HMG20A: variants seen among roughly 807,000 people sequenced by gnomAD.
The protein encoded by HMG20A is high mobility group protein 20A.
HMG20A carries 17 observed loss-of-function variants against 43.9 expected under a neutral mutation model. The observed-to-expected ratio is 0.39, with a 90% CI of 0.27 to 0.58. The LOEUF (loss-of-function observed/expected upper bound fraction) is 0.58, where lower values mean the gene tolerates loss of function less well. HMG20A is among the 20% of genes least tolerant of loss of function. The probability of loss-of-function intolerance (pLI) is 0.59; values close to 1 mark genes in which losing one functional copy is unlikely to be tolerated. For missense variants in HMG20A, 341 were observed against 438.2 expected (o/e 0.78, Z 1.98); for synonymous variants, 132 against 147.5 (o/e 0.89, Z 0.76).
chr15:77,442,693 A>C (rs2073625475), intron 1 of HMG20A, among the ~76,000 whole-genome samples: 1 of 152,158 alleles, frequency 6.6e-6, no homozygotes, highest in Non-Finnish European at 1.5e-5. Flanking sequence ...AATAAGCTAG[A>C]AACTCCTTGT....
chr15:77,454,220 C>A (rs548316018), intron 1 of HMG20A, among the ~76,000 whole-genome samples: 2 of 149,686 alleles, frequency 1.3e-5, no homozygotes, highest in South Asian at 4.3e-4. Flanking sequence ...GGAGGACTAG[C>A]AGGAAGGGAG....
chr15:77,495,445 A>T, the HMG20A span, among the ~76,000 whole-genome samples: 1 of 152,204 alleles, frequency 6.6e-6, no homozygotes, highest in Non-Finnish European at 1.5e-5. Flanking sequence ...GCTACTCGGG[A>T]GGCTGAGGCA....
At chr15:77,501,330 T>A in the HMG20A span, among the ~76,000 whole-genome samples, 7 of 152,322 alleles carry the variant, frequency 4.6e-5, no homozygotes, top group East Asian at 1.2e-3. Flanking sequence ...TCCTGGCAAC[T>A]TCTTGAGAGA....
chr15:77,438,599 G>A (rs1045096282), intron 1 of HMG20A, among the ~76,000 whole-genome samples: 1 of 152,128 alleles, frequency 6.6e-6, no homozygotes, highest in African/African-American at 2.4e-5. Flanking sequence ...CATCTTAGAT[G>A]TAGTTTTTAA....
In HMG20A at chr15:77,423,570, A is replaced by G. The variant is rs1016028158; in HGVS notation, c.-5+2566A>G. Among the ~76,000 whole-genome samples the G allele has an allele frequency of 5.9e-5, 9 of 152,354 alleles. 1 individual carries two copies. The Middle Eastern group carries it at 0.02, about 345-fold the overall frequency. ...TCTTTTTTTCAAATACTTGGATTAG[A>G]TAACCATTTTCTTTTCCAAAGACAG... On this transcript the variant is annotated intron_variant, in intron 1 of 9. Transcript: ENST00000336216.
intron 3 of HMG20A, 97 bp downstream of exon 3, chr15:77,464,484 T>G (rs777054257): frequency 7.9e-6 from 10 of 1,272,700 alleles, no homozygotes; most frequent in Admixed American, 2.2e-5. Flanking sequence ...TATGACCTTC[T>G]TATATTCTTA....
At chr15:77,446,665 G>A (rs145070089) in intron 1 of HMG20A, among the ~76,000 whole-genome samples, 2,804 of 152,186 alleles carry the variant, frequency 0.018, 37 homozygotes, top group South Asian at 0.053. Context: ...AAATTAGCCG[G>A]GCATGGTGGT....
At position 77,485,495 on chromosome 15, in the gene HMG20A, A is replaced by T. The variant is rs186157532; in HGVS notation, c.*2532A>T. On this transcript the variant is annotated 3_prime_UTR_variant, in exon 10 of 10. Transcript: ENST00000336216. ...TGTGTTTGGAACTGTTGAAATGCCA[A>T]GTTTTCTGTATAAGTGTTTTTGTAA... The T allele has an allele frequency of 4.6e-5, 7 of 152,766 alleles. No homozygotes were observed. The highest frequency in any genetic ancestry group is 1.5e-5 in the Non-Finnish European group (1 of 68,028). The allele number at this position is 152,766 out of a possible 1,614,324, so 9.5% of individuals were successfully genotyped here. A position where few individuals can be genotyped will look rare whatever the true frequency, so the allele number is the denominator to read the frequency against.
intron 6 of HMG20A, among the ~76,000 whole-genome samples, chr15:77,475,927 T>C (rs2072850542): frequency 6.6e-6 from 1 of 152,208 alleles, no homozygotes; most frequent in African/African-American, 2.4e-5. Flanking sequence ...TTGTTGTTCA[T>C]TTTCAAATTA....
chr15:77,502,525 C>T, the HMG20A span, among the ~76,000 whole-genome samples: 1 of 152,220 alleles, frequency 6.6e-6, no homozygotes, highest in Non-Finnish European at 1.5e-5. Context: ...GGTGGACTTA[C>T]CACCCAAGGC....
chr15:77,471,971 T>C (rs1460735652), intron 6 of HMG20A, among the ~76,000 whole-genome samples, 157 bp downstream of exon 6: 1 of 152,116 alleles, frequency 6.6e-6, no homozygotes, highest in Non-Finnish European at 1.5e-5. Flanking sequence ...GTTCTTAGCA[T>C]ATGGCAGACA....
In HMG20A at chr15:77,437,231, G is replaced by A. The variant is rs191728707; in HGVS notation, c.-5+16227G>A. 5.6e-3 allele frequency among the ~76,000 whole-genome samples: 858 copies of A among 152,212 alleles called. 5 individuals are homozygous for A. The highest frequency in any genetic ancestry group is 7.9e-3 in the Non-Finnish European group (536 of 68,006). ...TTATTTATTGGTATATTTGCTGAAC[G>A]TCTTTCATCTCCAACTGTAGTTTTT... On this transcript the variant is annotated intron_variant, in intron 1 of 9. Coordinates refer to ENST00000336216, the MANE Select transcript of HMG20A (RefSeq NM_001304504.2).
chr15:77,472,616 C>T (rs1259881405), intron 6 of HMG20A, among the ~76,000 whole-genome samples: 1 of 152,240 alleles, frequency 6.6e-6, no homozygotes, highest in African/African-American at 2.4e-5. Context: ...TCCCTCACTT[C>T]ACTAGCACAT....
At chr15:77,467,396 GA>G in intron 4 of HMG20A, 89 bp downstream of exon 4, 1 of 1,126,460 alleles carries the variant, frequency 8.9e-7, no homozygotes. Flanking sequence ...ATGGACAGTT[GA>G]TTCTGCAGTT....
intron 1 of HMG20A, among the ~76,000 whole-genome samples, chr15:77,450,746 G>A (rs546671395): frequency 6.0e-4 from 91 of 152,254 alleles, no homozygotes; most frequent in Admixed American, 2.0e-3. Context: ...ACTAATTATC[G>A]TGTGCCAGTG....
At chr15:77,480,627 A>T (rs1173129227) in intron 9 of HMG20A, among the ~76,000 whole-genome samples, 5 of 150,750 alleles carry the variant, frequency 3.3e-5, no homozygotes, top group African/African-American at 7.3e-5. Context: ...AAAAAAAAAC[A>T]AAATAAAAAT....
chr15:77,422,657 T>G (rs2142259777), intron 1 of HMG20A, among the ~76,000 whole-genome samples: 1 of 152,270 alleles, frequency 6.6e-6, no homozygotes, highest in Non-Finnish European at 1.5e-5. Flanking sequence ...TTAGGGTTCA[T>G]TAGAAAATAT....
intron 3 of HMG20A, 190 bp downstream of exon 3, chr15:77,464,577 A>T: frequency 2.1e-6 from 1 of 465,996 alleles, no homozygotes; most frequent in Non-Finnish European, 3.9e-6. Context: ...AGACAGGTAG[A>T]CTCTTTTTTC....
At chr15:77,495,627 G>A in the HMG20A span, among the ~76,000 whole-genome samples, 1 of 152,168 alleles carries the variant, frequency 6.6e-6, no homozygotes, top group East Asian at 1.9e-4. Context: ...TAAGGAGTTA[G>A]ATAGAGTGTC....
Sources: gnomAD v4.1 joint callset for allele counts (sites outside exome capture counted in the v4.1 genomes callset) on GRCh38, gnomAD v4.1.1 for gene constraint, MANE v1.5 for transcripts, NCBI Gene and HGNC (gene_info 2026-07-23, HGNC 2026-07-21) for gene names.